The following TRPC4 variants were observed in gnomAD, a reference collection of about 807,000 sequenced individuals.
TRPC4 encodes transient receptor potential cation channel subfamily C member 4, also known as short transient receptor potential channel 4.
Under a neutral mutation model 99.4 loss-of-function variants are expected in TRPC4, and 49 were observed. The ratio of observed to expected loss-of-function variants is 0.49; its 90% CI spans 0.39 to 0.63. TRPC4 has a LOEUF of 0.63. Among genes scored for constraint, TRPC4 ranks in the 20% least tolerant of loss-of-function variants. TRPC4 has a pLI of 0.00. For missense variants in TRPC4, 898 were observed against 1,152.9 expected (o/e 0.78, Z 3.20); for synonymous variants, 454 against 425.9 (o/e 1.07, Z -0.81).
At chr13:37,724,295 G>A (rs1248516135) in intron 3 of TRPC4, among the ~76,000 whole-genome samples, 1 of 152,114 alleles carries the variant, frequency 6.6e-6, no homozygotes, top group Admixed American at 6.6e-5. Flanking sequence ...GTGTGCACGT[G>A]GATGCAGATA....
At chr13:37,681,439 G>A (rs752821052) in intron 4 of TRPC4, among the ~76,000 whole-genome samples, 2 of 151,966 alleles carry the variant, frequency 1.3e-5, no homozygotes, top group African/African-American at 2.4e-5. Context: ...TGGCTAATGT[G>A]GTAATGTGTT....
intron 3 of TRPC4, among the ~76,000 whole-genome samples, chr13:37,725,017 C>T (rs1464215932): frequency 1.3e-5 from 2 of 151,824 alleles, no homozygotes; most frequent in African/African-American, 4.8e-5. Context: ...AAGGAGAAAT[C>T]ACAAAAACTA....
chr13:37,747,473 A>T lies in TRPC4; in HGVS notation c.379-1018T>A, dbSNP rs190130826. On this transcript the variant is annotated intron_variant, in intron 2 of 10. Coordinates refer to ENST00000379705, the MANE Select transcript of TRPC4 (RefSeq NM_016179.4). Reference sequence around the variant, plus strand: ...GCACAAAGCCATAGAGGCATTTATGAAAAGTTAATGCTACATAAGGGCAGT... The same window carrying T: ...GCACAAAGCCATAGAGGCATTTATGTAAAGTTAATGCTACATAAGGGCAGT... 2.2e-4 allele frequency among the ~76,000 whole-genome samples: 33 copies of T among 152,286 alleles called. No homozygotes were observed. In the East Asian group the frequency reaches 6.4e-3, roughly 29 times the overall value.
intron 3 of TRPC4, among the ~76,000 whole-genome samples, chr13:37,739,756 G>A (rs953249323): frequency 6.6e-6 from 1 of 151,740 alleles, no homozygotes; most frequent in Non-Finnish European, 1.5e-5. Flanking sequence ...TGCCTGCCTC[G>A]GCCTCCCAAA....
chr13:37,750,252 G>T (rs1266753689), intron 2 of TRPC4, among the ~76,000 whole-genome samples: 1 of 151,804 alleles, frequency 6.6e-6, no homozygotes, highest in Non-Finnish European at 1.5e-5. Flanking sequence ...CCAGTCTGGG[G>T]CCATTAAGAA....
chr13:37,798,031 C>T (rs694870), intron 1 of TRPC4, among the ~76,000 whole-genome samples: 150,165 of 152,294 alleles, frequency 0.99, 74,071 homozygotes, highest in East Asian at 1. Context: ...TCAGCAGACA[C>T]GTTAGCATTT....
At chr13:37,820,577 C>T (rs184655114) in intron 1 of TRPC4, among the ~76,000 whole-genome samples, 9 of 151,996 alleles carry the variant, frequency 5.9e-5, no homozygotes, top group African/African-American at 9.6e-5. Context: ...CACATAAAAA[C>T]GTAAATCCAA....
chr13:37,844,369 A>T (rs1452981291), intron 1 of TRPC4, among the ~76,000 whole-genome samples: 1 of 151,846 alleles, frequency 6.6e-6, no homozygotes, highest in Non-Finnish European at 1.5e-5. Flanking sequence ...ATCTCGGCTC[A>T]CTGCAACCTC....
At position 37,782,987 on chromosome 13, in the gene TRPC4, A is replaced by G. The variant is rs758118727; in HGVS notation, c.347T>C (p.Leu116Ser). The part of the protein sequence containing the change: ...KEVVGAVELL[L>S]NHKKPSGEKQ... ...TTCTCCACTAGGTTTTTTGTGGTTC[A>G]ATAACAGCTCAACAGCTCCGACGAC... The change falls in exon 2 of 11, where the codon TTG (leucine) becomes TCG (serine). Residue 116 changes from leucine (L) to serine (S), a missense_variant. Leu to Ser is a moderately radical substitution (Grantham distance 145). Coordinates refer to ENST00000379705, the MANE Select transcript of TRPC4 (RefSeq NM_016179.4). 2.6e-6 allele frequency: 4 copies of G among 1,564,244 alleles called. No homozygotes were observed. Among genetic ancestry groups the G allele is most frequent in the Non-Finnish European group, 3.5e-6 (4 of 1,154,336 alleles).
rs201069280 is a variant in TRPC4, at chr13:37,828,065, C to A, written c.-28+41530G>T. 7.9e-5 allele frequency among the ~76,000 whole-genome samples: 12 copies of A among 152,290 alleles called. No individual in the cohort carries two copies. In the East Asian group the frequency reaches 2.3e-3, roughly 29 times the overall value. On this transcript the variant is annotated intron_variant, in intron 1 of 10. Transcript: ENST00000379705. ...TGCCGTCCGTCACCCCTTTCTTTGA[C>A]TAGGAAAGGGAACTCCCTGACCCCT...
chr13:37,691,346 C>T (rs930727495), intron 4 of TRPC4, among the ~76,000 whole-genome samples: 2 of 152,246 alleles, frequency 1.3e-5, no homozygotes, highest in South Asian at 2.1e-4. Context: ...CCTCGTGATC[C>T]GCCCGCCTCG....
chr13:37,639,048 T>C lies in TRPC4; in HGVS notation c.2203A>G (p.Asn735Asp). The C allele has an allele frequency of 6.2e-7, 1 of 1,613,492 alleles. No individual in the cohort carries two copies. The highest frequency in any genetic ancestry group is 8.5e-7 in the Non-Finnish European group (1 of 1,179,528). The change falls in exon 10 of 11, where the codon AAC (asparagine) becomes GAC (aspartate). Residue 735 changes from asparagine (N) to aspartate (D), a missense_variant. Physicochemically the swap from Asn to Asp is conservative, Grantham distance 23. Coordinates refer to ENST00000379705, the MANE Select transcript of TRPC4 (RefSeq NM_016179.4). ...AKTEEGLTEENFKELKQDISS... is the reference protein window; with the variant it reads ...AKTEEGLTEEDFKELKQDISS... Reference sequence around the variant, plus strand: ...AAGATGAAAATGGTTACCTTAAAGTTCTCTTCGGTCAGGCCTTCTTCAGTT... The same window carrying C: ...AAGATGAAAATGGTTACCTTAAAGTCCTCTTCGGTCAGGCCTTCTTCAGTT...
chr13:37,736,624 G>C (rs559135231), intron 3 of TRPC4, among the ~76,000 whole-genome samples: 1 of 152,208 alleles, frequency 6.6e-6, no homozygotes, highest in East Asian at 1.9e-4. Flanking sequence ...AGAGTTATTA[G>C]GGGCTGGGAT....
intron 1 of TRPC4, among the ~76,000 whole-genome samples, chr13:37,855,690 A>T (rs773991492): frequency 6.6e-6 from 1 of 151,926 alleles, no homozygotes; most frequent in African/African-American, 2.4e-5. Flanking sequence ...ATCTTCTTTC[A>T]TCACAATGGA....
chr13:37,723,009 AATGG>A (rs1954926199), intron 3 of TRPC4, among the ~76,000 whole-genome samples: 1 of 152,178 alleles, frequency 6.6e-6, no homozygotes, highest in Non-Finnish European at 1.5e-5. Context: ...ACTAGTACTT[AATGG>A]GAGCTACGAC....
chr13:37,745,448 A>ATATATATATATATGCG lies in TRPC4; in HGVS notation c.897+488_897+489insCGCATATATATATATA, dbSNP rs1555265666. Among the ~76,000 whole-genome samples, 29 of 2,916 alleles carry ATATATATATATATGCG rather than the reference A, an allele frequency of 9.9e-3. No individual in the cohort carries two copies. In the East Asian group the frequency reaches 0.28, roughly 28 times the overall value. 1.9% of individuals were successfully genotyped at this position (2,916 alleles called of 152,430 possible). ...TATATATATATGCGTATATATATAT[A>ATATATATATATATGCG]TATATATATATATATATATATATAT... On this transcript the variant is annotated intron_variant, in intron 3 of 10. Coordinates refer to ENST00000379705, the MANE Select transcript of TRPC4 (RefSeq NM_016179.4).
chr13:37,731,059 AT>A (rs1158470930), intron 3 of TRPC4, among the ~76,000 whole-genome samples: 2 of 152,020 alleles, frequency 1.3e-5, no homozygotes, highest in African/African-American at 4.8e-5. Context: ...AAGAAAAAAA[AT>A]TCTATATATT....
At chr13:37,753,605 G>A (rs527363414) in intron 2 of TRPC4, among the ~76,000 whole-genome samples, 3,367 of 114,378 alleles carry the variant, frequency 0.029, 112 homozygotes, top group African/African-American at 0.089. Context: ...GAGAGAGAGA[G>A]AGAAAGAAAG....
At chr13:37,839,556 C>G (rs1958674953) in intron 1 of TRPC4, among the ~76,000 whole-genome samples, 1 of 152,074 alleles carries the variant, frequency 6.6e-6, no homozygotes, top group Non-Finnish European at 1.5e-5. Flanking sequence ...TAGATATTAT[C>G]CTGTCATTTA....
Sources: allele counts gnomAD v4.1 joint callset (sites outside exome capture counted in the v4.1 genomes callset), GRCh38; gene constraint gnomAD v4.1.1; transcripts MANE v1.5; gene names NCBI Gene and HGNC (gene_info 2026-07-23, HGNC 2026-07-21).